Variants in BCL9 observed in about 807,000 individuals in gnomAD.
BCL9 encodes the protein BCL9 transcription coactivator.
Under a neutral mutation model 88.5 loss-of-function variants are expected in BCL9, and 25 were observed. That is an observed-to-expected ratio of 0.28 (90% confidence interval 0.21 to 0.39). The LOEUF (loss-of-function observed/expected upper bound fraction) is 0.39. Among genes scored for constraint, BCL9 ranks in the 10% least tolerant of loss-of-function variants. The pLI, the probability that BCL9 is intolerant of heterozygous loss-of-function variation, is 1.00. For synonymous variants in BCL9, 711 were observed against 673.3 expected, an observed-to-expected ratio of 1.06 and a Z score of -0.87; for missense variants, 1,817 against 1,877.8, an observed-to-expected ratio of 0.97 and a Z score of 0.60.
chr1:147,603,821 T>C (rs893038847), intron 1 of BCL9, among the ~76,000 whole-genome samples: 3 of 152,156 alleles, frequency 2.0e-5, no homozygotes, highest in Non-Finnish European at 4.4e-5. Flanking sequence ...ATCAGGGTTC[T>C]TAACCTTATA....
intron 1 of BCL9, among the ~76,000 whole-genome samples, chr1:147,588,168 A>G (rs1183396044): frequency 6.6e-6 from 1 of 152,194 alleles, no homozygotes; most frequent in Non-Finnish European, 1.5e-5. Flanking sequence ...GCCTGGATCC[A>G]TAATTGAAGG....
intron 1 of BCL9, among the ~76,000 whole-genome samples, chr1:147,581,242 G>T (rs1419250263): frequency 1.3e-5 from 2 of 152,174 alleles, no homozygotes; most frequent in Non-Finnish European, 2.9e-5. Flanking sequence ...AGCAACAGAT[G>T]TAAAGACATG....
At chr1:147,562,773 G>A (rs932714226) in intron 1 of BCL9, among the ~76,000 whole-genome samples, 2 of 152,216 alleles carry the variant, frequency 1.3e-5, no homozygotes, top group East Asian at 1.9e-4. Flanking sequence ...GAGTGTGGAC[G>A]GGGGGTGGCA....
rs587619395 is a variant in BCL9, at chr1:147,619,013, T to G, written c.858T>G (p.Ile286Met). 1 of 1,610,140 alleles carries G rather than the reference T, an allele frequency of 6.2e-7. No individual in the cohort carries two copies. Among genetic ancestry groups the G allele is most frequent in the Admixed American group, 1.7e-5 (1 of 59,570 alleles). Residue 286 changes from isoleucine (I) to methionine (M), a missense_variant, in exon 8 of 10, where the codon ATT becomes ATG. By Grantham distance (10) the Ile-to-Met change is conservative (BLOSUM62 1). Transcript: ENST00000234739. The surrounding 1 kb of genome is among the most constrained non-coding windows in gnomAD (Gnocchi z 4.1). ...GTCCTGGGGTAGAAAACAAACTGAT[T>G]CCTTCTGTAGGAAGTCCTGCCAGCT... is the stretch of plus-strand genomic sequence containing the variant. ...RESPGVENKLIPSVGSPASST... is the reference protein window; with the variant it reads ...RESPGVENKLMPSVGSPASST...
intron 1 of BCL9, among the ~76,000 whole-genome samples, chr1:147,592,883 G>GA (rs1160681571): frequency 7.3e-5 from 11 of 150,536 alleles, no homozygotes; most frequent in South Asian, 2.1e-4. Context: ...CTTTATGGGG[G>GA]AAAAAAAAAC....
At chr1:147,590,829 T>G (rs1656815259) in intron 1 of BCL9, among the ~76,000 whole-genome samples, 1 of 152,252 alleles carries the variant, frequency 6.6e-6, no homozygotes, top group African/African-American at 2.4e-5. Context: ...GTTGTTATTT[T>G]AATGATTATT....
rs1553202908 is a variant in BCL9, at chr1:147,613,032, G to C, written c.203G>C (p.Ser68Thr). Residue 68 changes from serine to threonine, a missense_variant, in exon 5 of 10, where the codon AGT (serine) becomes ACT (threonine). Ser to Thr is a moderately conservative substitution (Grantham distance 58). Coordinates refer to ENST00000234739, the MANE Select transcript of BCL9 (RefSeq NM_004326.4). ...QSQPSPCDSK[S>T]GGHTPKALPG... Reference sequence around the variant, plus strand: ...CAGCCATCCCCCTGTGACTCCAAGAGTGGGGGCCATACCCCTAAAGCACTC... The same window carrying C: ...CAGCCATCCCCCTGTGACTCCAAGACTGGGGGCCATACCCCTAAAGCACTC... 2 of 1,608,180 alleles carry C rather than the reference G, an allele frequency of 1.2e-6. No individual in the cohort carries two copies. The highest frequency in any genetic ancestry group is 8.5e-7 in the Non-Finnish European group (1 of 1,176,552).
chr1:147,614,641 G>C (rs1553203516), intron 6 of BCL9, 25 bp downstream of exon 6: 5 of 1,584,716 alleles, frequency 3.2e-6, no homozygotes, highest in East Asian at 2.3e-5. Context: ...GTGTCTTGCT[G>C]TTGGGCAGGG....
At chr1:147,602,158 C>T (rs1657426345) in intron 1 of BCL9, among the ~76,000 whole-genome samples, 1 of 151,810 alleles carries the variant, frequency 6.6e-6, no homozygotes, top group Non-Finnish European at 1.5e-5. Flanking sequence ...ACCTCAGCCT[C>T]CCAAAGTGCT....
intron 1 of BCL9, among the ~76,000 whole-genome samples, chr1:147,587,756 C>CTGTGTGTGTGTG (rs3045400): frequency 2.4e-4 from 34 of 141,886 alleles, no homozygotes; most frequent in African/African-American, 7.5e-4. Context: ...GTAGTGAGGC[C>CTGTGTGTGTGTG]TGTGTGTGTG....
chr1:147,624,868 C>G lies in BCL9; in HGVS notation c.4190C>G (p.Pro1397Arg). The part of the protein sequence containing the change: ...MMGPQQNIMI[P>R]PQMRPRGMAA... ...GGACCCCAACAGAACATCATGATCC[C>G]CCCACAGATGAGGCCCCGGGGCATG... Residue 1397 changes from proline to arginine, a missense_variant, in exon 10 of 10, where the codon CCC becomes CGC. Physicochemically the swap from Pro to Arg is moderately radical, Grantham distance 103. Coordinates refer to ENST00000234739, the MANE Select transcript of BCL9 (RefSeq NM_004326.4). The surrounding 1 kb of genome is among the most constrained non-coding windows in gnomAD (Gnocchi z 4.4). 1.2e-6 allele frequency: 2 copies of G among 1,613,926 alleles called. No individual in the cohort carries two copies. The highest frequency in any genetic ancestry group is 1.7e-6 in the Non-Finnish European group (2 of 1,179,952).
At chr1:147,547,443 C>T (rs1404122492) in intron 1 of BCL9, among the ~76,000 whole-genome samples, 3 of 152,076 alleles carry the variant, frequency 2.0e-5, no homozygotes, top group Admixed American at 6.5e-5. Context: ...AATTTTCTGC[C>T]ATGTTTTAGG....
chr1:147,554,225 C>T (rs376188570), intron 1 of BCL9, among the ~76,000 whole-genome samples: 52 of 152,262 alleles, frequency 3.4e-4, no homozygotes, highest in African/African-American at 1.2e-3. Flanking sequence ...ACCTTAAAAT[C>T]AGAAATCAGC....
chr1:147,576,643 T>G (rs1656125180), intron 1 of BCL9, among the ~76,000 whole-genome samples: 1 of 152,162 alleles, frequency 6.6e-6, no homozygotes, highest in South Asian at 2.1e-4. Flanking sequence ...TCCTGAATCT[T>G]CCTGAGTTTT....
rs1416999381 is a variant in BCL9 at position 147,625,975 on chromosome 1, C to T, written c.*1016C>T. ...CTTTCCCATCATACCCTTCCCTGCCCACCTTGTTTTCTGTTCTCCTTTTAT... is the reference window on the plus strand; with the variant it reads ...CTTTCCCATCATACCCTTCCCTGCCTACCTTGTTTTCTGTTCTCCTTTTAT... On this transcript the variant is annotated 3_prime_UTR_variant, in exon 10 of 10. Coordinates refer to ENST00000234739, the MANE Select transcript of BCL9 (RefSeq NM_004326.4). The T allele has an allele frequency of 1.7e-5, 4 of 231,954 alleles. No individual in the cohort carries two copies. Among genetic ancestry groups the T allele is most frequent in the Non-Finnish European group, 3.4e-5 (4 of 117,054 alleles). 14.4% of individuals were successfully genotyped at this position (231,954 alleles called of 1,614,324 possible). A position where few individuals can be genotyped will look rare whatever the true frequency, so the allele number is the denominator to read the frequency against.
chr1:147,600,100 A>C (rs1213383904), intron 1 of BCL9: 1 of 7,420 alleles, frequency 1.3e-4, no homozygotes, highest in Non-Finnish European at 2.9e-4. Context: ...GGCCGAAGGG[A>C]GGGAAGGGGC....
At chr1:147,602,706 G>A (rs1657460681) in intron 1 of BCL9, among the ~76,000 whole-genome samples, 1 of 147,946 alleles carries the variant, frequency 6.8e-6, no homozygotes, top group Admixed American at 6.6e-5. Flanking sequence ...AAAGATAAAA[G>A]AACAATTTCC....
At position 147,622,340 on chromosome 1, in the gene BCL9, C is replaced by T. The variant is rs782635729; in HGVS notation, c.2972C>T (p.Thr991Ile). 1.9e-6 allele frequency: 3 copies of T among 1,614,196 alleles called. No individual in the cohort carries two copies. The highest frequency in any genetic ancestry group is 2.5e-6 in the Non-Finnish European group (3 of 1,180,012). ...VNIPGSLPSS[T>I]PYTMPPEPTL... ...ATCCCTGGAAGTCTTCCCTCTAGTA[C>T]ACCTTATACCATGCCTCCAGAGCCA... Residue 991 changes from threonine (T) to isoleucine (I), a missense_variant, in exon 9 of 10, where the codon ACA becomes ATA. Around this residue, in one of 2 missense-constraint regions of BCL9, gnomAD observed 589 missense variants for 686.2 expected, o/e 0.86. Transcript: ENST00000234739.
rs926568205 is a variant in BCL9, at chr1:147,612,985, G to A, written c.156G>A (p.Gln52=). ...CCAAATTCTCCAATCAGGGTAAACA[G>A]GGGGGCTCAGCCAGCCAATCCCAGC... ...LDSKFSNQGK[Q]GGSASQSQPS... is the part of the protein sequence containing the mutation. Residue 52 remains glutamine (Q), a synonymous_variant, in exon 5 of 10, where the codon CAG becomes CAA. Coordinates refer to ENST00000234739, the MANE Select transcript of BCL9 (RefSeq NM_004326.4). 1.9e-6 allele frequency: 3 copies of A among 1,610,432 alleles called. No homozygotes were observed. The highest frequency in any genetic ancestry group is 2.5e-6 in the Non-Finnish European group (3 of 1,178,266).
Sources: gnomAD v4.1 joint callset for allele counts (sites outside exome capture counted in the v4.1 genomes callset) on GRCh38, gnomAD v4.1.1 for gene constraint, gnomAD v4.1.1 regional missense constraint, Gnocchi (gnomAD v3.1) non-coding constraint, MANE v1.5 for transcripts, NCBI Gene and HGNC (gene_info 2026-07-23, HGNC 2026-07-21) for gene names.